The following RBFOX1 variants were observed in gnomAD, a reference collection of about 807,000 sequenced individuals.
The protein encoded by RBFOX1 is RNA binding protein fox-1 homolog 1.
Under a neutral mutation model 57.7 loss-of-function variants are expected in RBFOX1, and 8 were observed. The ratio of observed to expected loss-of-function variants is 0.14; its 90% CI spans 0.08 to 0.25. The LOEUF (loss-of-function observed/expected upper bound fraction) is 0.25. RBFOX1 is among the 10% of genes least tolerant of loss of function. The probability of loss-of-function intolerance (pLI) is 1.00; values close to 1 mark genes in which losing one functional copy is unlikely to be tolerated. For missense variants in RBFOX1, 611 were observed against 548.5 expected, an observed-to-expected ratio of 1.11 and a Z score of -1.14; for synonymous variants, 326 against 222.4, an observed-to-expected ratio of 1.47 and a Z score of -4.15.
intron 5 of RBFOX1, among the ~76,000 whole-genome samples, chr16:7,533,391 C>A (rs777529478): frequency 3.3e-5 from 5 of 152,076 alleles, no homozygotes; most frequent in African/African-American, 9.7e-5. Flanking sequence ...AACACCCATA[C>A]ACATACACAC....
intron 3 of RBFOX1, among the ~76,000 whole-genome samples, chr16:5,648,598 C>T (rs1439555887): frequency 1.3e-5 from 2 of 151,944 alleles, no homozygotes; most frequent in Non-Finnish European, 2.9e-5. Context: ...AGGACATCTC[C>T]CACCACCAAG....
At chr16:7,701,837 A>G (rs377619349) in intron 14 of RBFOX1, among the ~76,000 whole-genome samples, 10 of 152,338 alleles carry the variant, frequency 6.6e-5, no homozygotes, top group South Asian at 4.1e-4. Flanking sequence ...GAACAGGAAC[A>G]TTTCCTAGAT....
At chr16:6,897,765 C>A (rs182809898) in intron 3 of RBFOX1, among the ~76,000 whole-genome samples, 54 of 152,224 alleles carry the variant, frequency 3.5e-4, no homozygotes, top group African/African-American at 1.2e-3. Context: ...TACACTCCAG[C>A]CTTGGATGAC....
At chr16:7,703,167 TCATTTTTC>T (rs2081324704) in intron 14 of RBFOX1, among the ~76,000 whole-genome samples, 2 of 152,238 alleles carry the variant, frequency 1.3e-5, no homozygotes, top group East Asian at 3.9e-4. Context: ...TTGCATGGAT[TCATTTTTC>T]CAAATACTTA....
At chr16:7,556,517 A>T (rs937783554) in intron 5 of RBFOX1, among the ~76,000 whole-genome samples, 1 of 152,208 alleles carries the variant, frequency 6.6e-6, no homozygotes, top group East Asian at 1.9e-4. Flanking sequence ...GCAACTCAGT[A>T]TGAAACTTTT....
chr16:6,282,831 G>T (rs910567959), intron 1 of RBFOX1, among the ~76,000 whole-genome samples: 18 of 152,132 alleles, frequency 1.2e-4, no homozygotes, highest in African/African-American at 4.1e-4. Flanking sequence ...CATCAACAAG[G>T]TCTAATAATT....
intron 1 of RBFOX1, among the ~76,000 whole-genome samples, chr16:5,332,896 A>G (rs566866513): frequency 2.0e-4 from 31 of 152,170 alleles, no homozygotes; most frequent in Non-Finnish European, 4.0e-4. Context: ...ATTAAAAACT[A>G]CACTAGAGGC....
intron 1 of RBFOX1, among the ~76,000 whole-genome samples, chr16:6,225,011 C>T (rs1433299336): frequency 1.3e-5 from 1 of 75,000 alleles, no homozygotes; most frequent in East Asian, 3.9e-4. Context: ...AAGAGCAAAA[C>T]TCCATCTCAA....
intron 4 of RBFOX1, among the ~76,000 whole-genome samples, chr16:7,425,855 T>A (rs2098605588): frequency 6.6e-6 from 1 of 152,200 alleles, no homozygotes; most frequent in East Asian, 1.9e-4. Context: ...TTGTTTCTAT[T>A]TTACATGAGC....
At chr16:7,039,852 C>G (rs1464524753) in intron 3 of RBFOX1, among the ~76,000 whole-genome samples, 1 of 152,088 alleles carries the variant, frequency 6.6e-6, no homozygotes, top group African/African-American at 2.4e-5. Context: ...GCAAAGCGAC[C>G]TCTCTCTTTT....
chr16:5,408,964 G>A (rs912170136), intron 1 of RBFOX1, among the ~76,000 whole-genome samples: 6 of 152,242 alleles, frequency 3.9e-5, no homozygotes, highest in African/African-American at 9.6e-5. Context: ...TAATACTGGG[G>A]ATTACAGTTC....
intron 1 of RBFOX1, among the ~76,000 whole-genome samples, chr16:6,300,627 C>T (rs1479867058): frequency 1.3e-5 from 2 of 152,192 alleles, no homozygotes; most frequent in Non-Finnish European, 2.9e-5. Context: ...CAATTTCCCT[C>T]AATATCTTTC....
At chr16:5,253,493 A>G (rs2062507805) in intron 1 of RBFOX1, among the ~76,000 whole-genome samples, 1 of 152,172 alleles carries the variant, frequency 6.6e-6, no homozygotes, top group East Asian at 1.9e-4. Context: ...GACTTCAAGC[A>G]TCTAGGACTC....
At chr16:5,801,337 C>T (rs1270161763) in intron 3 of RBFOX1, among the ~76,000 whole-genome samples, 2 of 124,730 alleles carry the variant, frequency 1.6e-5, no homozygotes, top group Admixed American at 1.6e-4. Flanking sequence ...CTCCCTCCCT[C>T]TCTCTTTTTT....
At chr16:6,880,170 C>G (rs1476837382) in intron 3 of RBFOX1, among the ~76,000 whole-genome samples, 1 of 151,986 alleles carries the variant, frequency 6.6e-6, no homozygotes, top group Non-Finnish European at 1.5e-5. Flanking sequence ...ATGGGATATT[C>G]CACCTCAATC....
At chr16:7,109,168 A>G (rs2064166858) in intron 4 of RBFOX1, among the ~76,000 whole-genome samples, 1 of 152,212 alleles carries the variant, frequency 6.6e-6, no homozygotes, top group Admixed American at 6.5e-5. Context: ...AGTTTTGGAA[A>G]GCTAATCTTA....
At chr16:5,292,743 C>T (rs937165539) in intron 1 of RBFOX1, among the ~76,000 whole-genome samples, 2 of 152,072 alleles carry the variant, frequency 1.3e-5, no homozygotes, top group Non-Finnish European at 2.9e-5. Context: ...CCTGCCTCAG[C>T]CTCCTGAGTA....
At chr16:6,322,359 C>G (rs1371497516) in intron 2 of RBFOX1, among the ~76,000 whole-genome samples, 2 of 152,182 alleles carry the variant, frequency 1.3e-5, no homozygotes, top group Admixed American at 1.3e-4. Flanking sequence ...ACATTTCATT[C>G]CAACTGGGCA....
In RBFOX1 at chr16:5,854,921, C is replaced by T. The variant is rs12324997; in HGVS notation, c.319-12382C>T. On this transcript the variant is annotated intron_variant, in intron 3 of 19. Transcript: ENST00000641259. ...TTGACTTTTTGGTAACCCAGCCTAACAAGTGTGAGGTGATACCTCATTGTG... is the reference window on the plus strand; with the variant it reads ...TTGACTTTTTGGTAACCCAGCCTAATAAGTGTGAGGTGATACCTCATTGTG... Among the ~76,000 whole-genome samples the T allele has an allele frequency of 2.1e-3, 325 of 152,308 alleles. 2 individuals are homozygous for T. The highest frequency in any genetic ancestry group is 7.5e-3 in the African/African-American group (310 of 41,574).
Sources: allele counts gnomAD v4.1 joint callset (sites outside exome capture counted in the v4.1 genomes callset), GRCh38; gene constraint gnomAD v4.1.1; transcripts MANE v1.5; gene names NCBI Gene and HGNC (gene_info 2026-07-23, HGNC 2026-07-21).